UTRN: variants seen among roughly 807,000 people sequenced by gnomAD.
UTRN encodes the protein dystrophin-related protein 1.
Under a neutral mutation model 463.9 loss-of-function variants are expected in UTRN, and 283 were observed. The observed-to-expected ratio is 0.61, with a 90% CI of 0.55 to 0.67. The LOEUF is 0.67. UTRN is among the 30% of genes least tolerant of loss of function. The pLI is 0.00. For synonymous variants in UTRN, 1,442 were observed against 1,431.5 expected, an observed-to-expected ratio of 1.01 and a Z score of -0.17; for missense variants, 3,922 against 4,084.3, an observed-to-expected ratio of 0.96 and a Z score of 1.08.
In UTRN at chr6:144,677,275, C is replaced by A. The variant is rs111452550; in HGVS notation, c.7480-1131C>A. Among the ~76,000 whole-genome samples the A allele has an allele frequency of 1.5e-4, 23 of 152,152 alleles. 1 individual carries two copies. Among genetic ancestry groups the A allele is most frequent in the African/African-American group, 5.5e-4 (23 of 41,492 alleles). ...ATGCTCTCCCTTTCCTTTCGCCCTACCCCCCGACATCCCCCGGTGTGTGAT... is the reference window on the plus strand; with the variant it reads ...ATGCTCTCCCTTTCCTTTCGCCCTAACCCCCGACATCCCCCGGTGTGTGAT... On this transcript the variant is annotated intron_variant, in intron 51 of 74. Transcript: ENST00000367545.
At position 144,803,127 on chromosome 6, in the gene UTRN, A is replaced by G. The variant is rs768003726; in HGVS notation, c.9337A>G (p.Met3113Val). ...AAAAGGTCACAAATTACATTACCCAATGGTGGAATATTGTATACCTGTGAG... is the reference window on the plus strand; with the variant it reads ...AAAAGGTCACAAATTACATTACCCAGTGGTGGAATATTGTATACCTGTGAG... ...TAKGHKLHYP[M>V]VEYCIPTTSG... The change falls in exon 65 of 75, where the codon ATG (methionine) becomes GTG (valine). Residue 3113 changes from methionine to valine, a missense_variant. Physicochemically the swap from Met to Val is conservative, Grantham distance 21. Coordinates refer to ENST00000367545, the MANE Select transcript of UTRN (RefSeq NM_007124.3). 9.4e-6 allele frequency: 15 copies of G among 1,588,712 alleles called. No individual in the cohort carries two copies. The highest frequency in any genetic ancestry group is 8.9e-5 in the Admixed American group (5 of 55,964).
chr6:144,809,669 A>G (rs1778440520), intron 65 of UTRN, among the ~76,000 whole-genome samples: 1 of 152,114 alleles, frequency 6.6e-6, no homozygotes. Flanking sequence ...GAAGTGGGAC[A>G]TAGAAGGTTC....
chr6:144,508,503 G>A (rs9484883), intron 34 of UTRN, among the ~76,000 whole-genome samples: 8,232 of 152,250 alleles, frequency 0.054, 658 homozygotes, highest in African/African-American at 0.17. Flanking sequence ...CTAGGGGAGG[G>A]AGTTCCCCAA....
chr6:144,357,606 CA>C (rs1358804372), intron 2 of UTRN, among the ~76,000 whole-genome samples: 1 of 152,208 alleles, frequency 6.6e-6, no homozygotes, highest in Non-Finnish European at 1.5e-5. Flanking sequence ...CTCAAGTCTA[CA>C]AGAACGGAAT....
chr6:144,524,347 T>A (rs1796372943), intron 41 of UTRN, among the ~76,000 whole-genome samples: 1 of 152,138 alleles, frequency 6.6e-6, no homozygotes, highest in African/African-American at 2.4e-5. Flanking sequence ...CTGTATTATA[T>A]CATGAAATTG....
chr6:144,822,134 C>T (rs1354172495), intron 66 of UTRN, among the ~76,000 whole-genome samples: 3 of 151,992 alleles, frequency 2.0e-5, no homozygotes, highest in Non-Finnish European at 4.4e-5. Flanking sequence ...TATTTTAGTG[C>T]TTTGTGATAG....
intron 51 of UTRN, among the ~76,000 whole-genome samples, chr6:144,674,674 AG>A (rs1280038018): frequency 6.6e-6 from 1 of 152,074 alleles, no homozygotes; most frequent in African/African-American, 2.4e-5. Context: ...TTCCCACTTC[AG>A]TCTCCCAAGT....
At chr6:144,798,105 ATG>A in intron 64 of UTRN, 115 bp downstream of exon 64, 1 of 1,420,654 alleles carries the variant, frequency 7.0e-7, no homozygotes, top group Non-Finnish European at 9.6e-7. Flanking sequence ...TTCTAAATAA[ATG>A]GTATGTTCAG....
intron 52 of UTRN, among the ~76,000 whole-genome samples, chr6:144,696,826 CCTT>C (rs1195329669): frequency 1.3e-5 from 2 of 152,114 alleles, no homozygotes; most frequent in Non-Finnish European, 2.9e-5. Context: ...AACCAATGCT[CCTT>C]CTCACACTTA....
At chr6:144,447,497 A>G in intron 15 of UTRN, 105 bp from the exon 16 acceptor site, 2 of 1,399,102 alleles carry the variant, frequency 1.4e-6, no homozygotes, top group Non-Finnish European at 2.0e-6. Flanking sequence ...ACTGCAAAGC[A>G]TGTACATTTT....
intron 64 of UTRN, 122 bp downstream of exon 64, chr6:144,798,112 G>A: frequency 6.9e-6 from 9 of 1,300,236 alleles, no homozygotes; most frequent in Non-Finnish European, 8.5e-6. Flanking sequence ...TAAATGGTAT[G>A]TTCAGTATGT....
intron 2 of UTRN, among the ~76,000 whole-genome samples, chr6:144,388,303 A>AT (rs1781585239): frequency 1.3e-5 from 2 of 151,502 alleles, no homozygotes; most frequent in South Asian, 2.1e-4. Context: ...TCTGAATATC[A>AT]TTTTTTTAAC....
Position 144,743,438 on chromosome 6 carries a change from T to TC in UTRN, c.7940-4806dup, listed in dbSNP as rs1466866356. Among the ~76,000 whole-genome samples the TC allele has an allele frequency of 2.6e-5, 4 of 152,244 alleles. No individual in the cohort carries two copies. In the East Asian group the frequency reaches 7.7e-4, roughly 29 times the overall value. On this transcript the variant is annotated intron_variant, in intron 54 of 74. Transcript: ENST00000367545. ...AAGCACTCAAAGGAAGAGTTTTTTT[T>TC]CCTCTACTATCAAGATTTCTTTGAG...
chr6:144,725,568 C>A (rs530517979), intron 53 of UTRN, among the ~76,000 whole-genome samples: 58 of 152,158 alleles, frequency 3.8e-4, no homozygotes, highest in Non-Finnish European at 6.0e-4. Context: ...ATATCAGTCA[C>A]GTGATATTAG....
intron 58 of UTRN, among the ~76,000 whole-genome samples, chr6:144,758,825 A>G (rs908748000): frequency 1.3e-5 from 2 of 152,084 alleles, no homozygotes; most frequent in Non-Finnish European, 2.9e-5. Context: ...CATCATAATC[A>G]TGACAACACT....
At chr6:144,612,696 A>C (rs1221362972) in intron 51 of UTRN, among the ~76,000 whole-genome samples, 5 of 152,102 alleles carry the variant, frequency 3.3e-5, no homozygotes, top group Non-Finnish European at 7.4e-5. Context: ...AAAACATGAA[A>C]GATAACTGGT....
At chr6:144,775,572 A>G (rs1775252393) in intron 60 of UTRN, among the ~76,000 whole-genome samples, 1 of 152,160 alleles carries the variant, frequency 6.6e-6, no homozygotes, top group Non-Finnish European at 1.5e-5. Context: ...TAGGAAGTAA[A>G]TTACGAACAC....
intron 50 of UTRN, among the ~76,000 whole-genome samples, chr6:144,559,560 A>G (rs1384196602): frequency 3.3e-5 from 5 of 152,128 alleles, no homozygotes; most frequent in Admixed American, 2.0e-4. Context: ...TGTATATTTA[A>G]CTTTTTTCTG....
intron 2 of UTRN, among the ~76,000 whole-genome samples, chr6:144,331,478 G>A (rs532694661): frequency 6.6e-6 from 1 of 152,174 alleles, no homozygotes; most frequent in Non-Finnish European, 1.5e-5. Context: ...GTCATATGGG[G>A]TAGAAATTAA....
Sources: allele counts gnomAD v4.1 joint callset (sites outside exome capture counted in the v4.1 genomes callset), GRCh38; gene constraint gnomAD v4.1.1; transcripts MANE v1.5; gene names NCBI Gene and HGNC (gene_info 2026-07-23, HGNC 2026-07-21).